The following GRID2 variants were observed in gnomAD, a reference collection of about 807,000 sequenced individuals.
GRID2 encodes glutamate ionotropic receptor delta type subunit 2.
GRID2 carries 33 observed loss-of-function variants against 114.8 expected under a neutral mutation model. The ratio of observed to expected loss-of-function variants is 0.29; its 90% confidence interval spans 0.22 to 0.38. The LOEUF is 0.38. Among genes scored for constraint, GRID2 ranks in the 10% least tolerant of loss-of-function variants. The pLI, the probability that GRID2 is intolerant of heterozygous loss-of-function variation, is 1.00. For synonymous variants in GRID2, 505 were observed against 449.9 expected (o/e 1.12, Z -1.55); for missense variants, 1,184 against 1,257.7 (o/e 0.94, Z 0.89).
chr4:92,955,763 G>A (rs1206148141), intron 2 of GRID2, among the ~76,000 whole-genome samples: 1 of 152,158 alleles, frequency 6.6e-6, no homozygotes, highest in African/African-American at 2.4e-5. Context: ...TAACGTTTAA[G>A]TCTTTAATCC....
chr4:93,405,437 G>A (rs976772346), intron 9 of GRID2, among the ~76,000 whole-genome samples: 1 of 152,136 alleles, frequency 6.6e-6, no homozygotes, highest in African/African-American at 2.4e-5. Context: ...TGGTAGCCAT[G>A]CATGACCCTA....
intron 2 of GRID2, among the ~76,000 whole-genome samples, chr4:92,949,899 A>G (rs1751905120): frequency 6.6e-6 from 1 of 152,084 alleles, no homozygotes; most frequent in African/African-American, 2.4e-5. Context: ...AGCTACAGAT[A>G]AACAAACTGA....
At chr4:92,757,984 G>A (rs1203427156) in intron 2 of GRID2, among the ~76,000 whole-genome samples, 1 of 152,042 alleles carries the variant, frequency 6.6e-6, no homozygotes, top group Admixed American at 6.6e-5. Flanking sequence ...GGTGAGATGG[G>A]GAGGAGTCAA....
intron 2 of GRID2, among the ~76,000 whole-genome samples, chr4:93,013,527 T>C (rs113908217): frequency 6.6e-6 from 1 of 151,900 alleles, no homozygotes; most frequent in Non-Finnish European, 1.5e-5. Context: ...TATATATATA[T>C]ACCCACACAC....
chr4:92,675,704 C>A (rs1014645937), intron 2 of GRID2, among the ~76,000 whole-genome samples: 1 of 151,968 alleles, frequency 6.6e-6, no homozygotes, highest in Non-Finnish European at 1.5e-5. Flanking sequence ...GGGTCCGCCA[C>A]GACGCCTGGC....
intron 1 of GRID2, among the ~76,000 whole-genome samples, chr4:92,415,740 G>GTGTGTATA (rs1459039400): frequency 4.9e-5 from 4 of 82,212 alleles, no homozygotes; most frequent in African/African-American, 1.6e-4. Flanking sequence ...GTGTATGTGT[G>GTGTGTATA]TATATATATA....
chr4:93,414,014 C>T (rs1221682305), intron 9 of GRID2, among the ~76,000 whole-genome samples: 16 of 152,084 alleles, frequency 1.1e-4, no homozygotes. Context: ...AGGACAGTCC[C>T]AGAAGTTAAT....
Position 93,786,599 on chromosome 4 carries a change from G to T in GRID2, c.221+17149G>T, listed in dbSNP as rs1734595953. ...TGCAAATAAATTTCTAGGTTCAATT[G>T]CCTGATGTTTAGTGAGAATTATGTT... On this transcript the variant is annotated intron_variant, in intron 1 of 1. Transcript: ENST00000637838. Among the ~76,000 whole-genome samples, 3 of 152,310 alleles carry T rather than the reference G, an allele frequency of 2.0e-5. No homozygotes were observed. The South Asian group carries it at 6.2e-4, about 32-fold the overall frequency.
At chr4:92,908,845 A>G (rs1204343178) in intron 2 of GRID2, among the ~76,000 whole-genome samples, 2 of 152,172 alleles carry the variant, frequency 1.3e-5, no homozygotes, top group African/African-American at 4.8e-5. Context: ...GGCTACCTGC[A>G]CTTTCCCTTC....
chr4:93,003,383 G>A (rs1404545763), intron 2 of GRID2, among the ~76,000 whole-genome samples: 1 of 151,768 alleles, frequency 6.6e-6, no homozygotes, highest in Non-Finnish European at 1.5e-5. Context: ...TTTTACAACT[G>A]GAAACCTGTC....
chr4:92,319,972 G>C (rs984115983), intron 1 of GRID2, among the ~76,000 whole-genome samples: 7 of 152,162 alleles, frequency 4.6e-5, no homozygotes, highest in African/African-American at 1.7e-4. Context: ...TTGGAATACT[G>C]CATTTGTGGT....
intron 1 of GRID2, among the ~76,000 whole-genome samples, chr4:92,572,879 A>T (rs1007129089): frequency 8.6e-5 from 13 of 151,886 alleles, no homozygotes; most frequent in African/African-American, 3.1e-4. Flanking sequence ...TTTTTTTGGA[A>T]TAGTATCAGT....
At chr4:93,657,524 G>A (rs1263301436) in intron 14 of GRID2, among the ~76,000 whole-genome samples, 1 of 151,826 alleles carries the variant, frequency 6.6e-6, no homozygotes, top group Non-Finnish European at 1.5e-5. Context: ...ATGTCATCCT[G>A]GATAAAAACA....
At chr4:93,262,604 C>T (rs1750372433) in intron 8 of GRID2, among the ~76,000 whole-genome samples, 1 of 151,844 alleles carries the variant, frequency 6.6e-6, no homozygotes, top group African/African-American at 2.4e-5. Context: ...TTATGCAAAA[C>T]TTGGAAAAGA....
intron 14 of GRID2, among the ~76,000 whole-genome samples, chr4:93,674,133 G>A (rs1465134463): frequency 1.3e-5 from 2 of 152,058 alleles, no homozygotes; most frequent in Non-Finnish European, 2.9e-5. Context: ...TCCTGTCATT[G>A]CTGCTAGGTG....
At chr4:93,741,666 G>A (rs987994450) in intron 14 of GRID2, among the ~76,000 whole-genome samples, 1 of 152,120 alleles carries the variant, frequency 6.6e-6, no homozygotes, top group Non-Finnish European at 1.5e-5. Flanking sequence ...AGTGGCTCAC[G>A]CCTGTAATCC....
intron 2 of GRID2, among the ~76,000 whole-genome samples, chr4:93,065,288 C>T (rs1472165956): frequency 2.0e-5 from 3 of 151,786 alleles, no homozygotes; most frequent in African/African-American, 4.8e-5. Context: ...AAAAACCAGA[C>T]TGTCATTGTG....
At chr4:92,715,417 C>A (rs116396548) in intron 2 of GRID2, among the ~76,000 whole-genome samples, 101 of 152,264 alleles carry the variant, frequency 6.6e-4, no homozygotes, top group Admixed American at 1.1e-3. Context: ...TGCCTGTCAC[C>A]CAGTTCCAAA....
chr4:93,104,845 A>G (rs527610004), intron 3 of GRID2, among the ~76,000 whole-genome samples: 3 of 152,172 alleles, frequency 2.0e-5, no homozygotes, highest in Admixed American at 2.0e-4. Flanking sequence ...GCTGGGTCAA[A>G]TGGTATTTCT....
Sources: gnomAD v4.1 joint callset for allele counts (sites outside exome capture counted in the v4.1 genomes callset) on GRCh38, gnomAD v4.1.1 for gene constraint, MANE v1.5 for transcripts, NCBI Gene and HGNC (gene_info 2026-07-23, HGNC 2026-07-21) for gene names.